The following RTN3 variants were observed in gnomAD, a reference collection of about 807,000 sequenced individuals.
RTN3 encodes the protein reticulon 3, also known as reticulon-3.
In RTN3, 49 loss-of-function variants were observed where a neutral mutation model predicts 77.8. The ratio of observed to expected loss-of-function variants is 0.63; its 90% CI spans 0.50 to 0.80. The LOEUF (loss-of-function observed/expected upper bound fraction) is 0.80. Among genes scored for constraint, RTN3 ranks in the 30% least tolerant of loss-of-function variants. RTN3 has a pLI of 0.00. For synonymous variants in RTN3, 464 were observed against 446.9 expected (o/e 1.04, Z -0.48); for missense variants, 1,236 against 1,211.9 (o/e 1.02, Z -0.29).
intron 3 of RTN3, among the ~76,000 whole-genome samples, chr11:63,721,302 C>A (rs1432797053): frequency 6.6e-6 from 1 of 151,974 alleles, no homozygotes; most frequent in African/African-American, 2.4e-5. Context: ...TCGCTGGGTA[C>A]GGTGGCTCAC....
At chr11:63,727,896 A>G (rs1171559702) in intron 3 of RTN3, among the ~76,000 whole-genome samples, 2 of 152,230 alleles carry the variant, frequency 1.3e-5, no homozygotes, top group Non-Finnish European at 2.9e-5. Flanking sequence ...TATGAAAGGC[A>G]CATTTACTGA....
At chr11:63,681,495 C>G (rs1342654541), upstream of RTN3, 1 of 846,584 alleles carries the variant, frequency 1.2e-6, no homozygotes, top group Non-Finnish European at 1.7e-6. Flanking sequence ...TCGGCTGAGT[C>G]AGTCAGTCTG....
chr11:63,693,926 A>G (rs995340456), intron 1 of RTN3, among the ~76,000 whole-genome samples: 3 of 152,142 alleles, frequency 2.0e-5, no homozygotes, highest in African/African-American at 7.2e-5. Flanking sequence ...GTTTGAAACC[A>G]GCCTGCACAA....
At position 63,758,214 on chromosome 11, in the gene RTN3, C is replaced by G. The variant is rs1283594020; in HGVS notation, c.*13C>G. 6.2e-7 allele frequency: 1 copy of G among 1,613,026 alleles called. No individual in the cohort carries two copies. Among genetic ancestry groups the G allele is most frequent in the African/African-American group, 1.3e-5 (1 of 74,830 alleles). ...AAAGGCAGAATAAGTACATGGAAACCAGAAATGCAACAGTTACTAAAACAC... is the reference window on the plus strand; with the variant it reads ...AAAGGCAGAATAAGTACATGGAAACGAGAAATGCAACAGTTACTAAAACAC... On this transcript the variant is annotated 3_prime_UTR_variant, in exon 9 of 9. Coordinates refer to ENST00000377819, the MANE Select transcript of RTN3 (RefSeq NM_001265589.2).
At chr11:63,740,724 T>G (rs1013795011) in intron 3 of RTN3, among the ~76,000 whole-genome samples, 1 of 152,040 alleles carries the variant, frequency 6.6e-6, no homozygotes, top group African/African-American at 2.4e-5. Context: ...GAGCCACCTT[T>G]AATTTCTTTG....
intron 3 of RTN3, among the ~76,000 whole-genome samples, chr11:63,749,377 T>A (rs1172728440): frequency 6.6e-6 from 1 of 152,152 alleles, no homozygotes; most frequent in Non-Finnish European, 1.5e-5. Flanking sequence ...AGACTGGTGT[T>A]TCTTTATAAC....
Position 63,694,149 on chromosome 11 carries a change from T to C in RTN3, c.143-10702T>C, listed in dbSNP as rs114953515. On this transcript the variant is annotated intron_variant, in intron 1 of 8. Coordinates refer to ENST00000377819, the MANE Select transcript of RTN3 (RefSeq NM_001265589.2). ...AAAAGAAGGCTGGGGTATTAAGATA[T>C]ATTTGTAACCAGTTTATTAATTAAT... Among the ~76,000 whole-genome samples, 901 of 151,810 alleles carry C rather than the reference T, an allele frequency of 5.9e-3. 9 individuals are homozygous for C. The highest frequency in any genetic ancestry group is 0.021 in the African/African-American group (850 of 41,412).
At chr11:63,736,710 A>G (rs1209579647) in intron 3 of RTN3, among the ~76,000 whole-genome samples, 1 of 152,178 alleles carries the variant, frequency 6.6e-6, no homozygotes, top group Non-Finnish European at 1.5e-5. Context: ...ATAAGTATCC[A>G]AATGGATATG....
chr11:63,733,160 C>CAA (rs58564500), intron 3 of RTN3, among the ~76,000 whole-genome samples: 60 of 136,878 alleles, frequency 4.4e-4, no homozygotes, highest in Admixed American at 1.3e-3. Flanking sequence ...ACTAAAAATA[C>CAA]AAAAAAAAAA....
chr11:63,701,817 C>T (rs1204064712), intron 1 of RTN3, among the ~76,000 whole-genome samples: 3 of 152,036 alleles, frequency 2.0e-5, no homozygotes, highest in Admixed American at 6.6e-5. Context: ...TAGTGGTGCA[C>T]ACCTGTAGTC....
At chr11:63,753,598 C>G in intron 6 of RTN3, 64 bp from the exon 7 acceptor site, 1 of 1,418,122 alleles carries the variant, frequency 7.1e-7, no homozygotes. Flanking sequence ...ATATGTTACT[C>G]TGAGTCTTAA....
intron 3 of RTN3, among the ~76,000 whole-genome samples, chr11:63,722,266 CAG>C (rs913673827): frequency 6.6e-6 from 1 of 152,128 alleles, no homozygotes; most frequent in African/African-American, 2.4e-5. Context: ...AAATCATACA[CAG>C]AGTTGTAGTA....
intron 3 of RTN3, among the ~76,000 whole-genome samples, chr11:63,730,027 C>T (rs1430873710): frequency 6.6e-6 from 1 of 151,976 alleles, no homozygotes; most frequent in African/African-American, 2.4e-5. Context: ...AGTGCAGTGG[C>T]GTGATCTCAG....
chr11:63,745,261 T>C (rs903244284), intron 3 of RTN3, among the ~76,000 whole-genome samples: 7 of 152,190 alleles, frequency 4.6e-5, no homozygotes, highest in Non-Finnish European at 8.8e-5. Flanking sequence ...GTGCAAAAAC[T>C]TGACTAGTTT....
At chr11:63,731,756 G>A (rs1200321298) in intron 3 of RTN3, among the ~76,000 whole-genome samples, 4 of 152,148 alleles carry the variant, frequency 2.6e-5, no homozygotes, top group South Asian at 2.1e-4. Context: ...GGGTTCAAAC[G>A]ATTCTCCTGC....
chr11:63,687,508 G>A (rs1941436394), intron 1 of RTN3, among the ~76,000 whole-genome samples: 6 of 152,118 alleles, frequency 3.9e-5, no homozygotes, highest in African/African-American at 1.4e-4. Context: ...TACTCAGGAG[G>A]CTGAGGCAGG....
At chr11:63,721,375 C>T (rs901194919) in intron 3 of RTN3, among the ~76,000 whole-genome samples, 1 of 152,002 alleles carries the variant, frequency 6.6e-6, no homozygotes, top group African/African-American at 2.4e-5. Context: ...GAGATTGAGA[C>T]CATCCTGGCT....
chr11:63,701,512 A>G (rs1287572352), intron 1 of RTN3, among the ~76,000 whole-genome samples: 2 of 152,180 alleles, frequency 1.3e-5, no homozygotes, highest in Admixed American at 6.6e-5. Flanking sequence ...GAACAGTTCT[A>G]CAGGCTTTAT....
At chr11:63,735,550 T>TCTCTCTCTCTC (rs2013032879) in intron 3 of RTN3, among the ~76,000 whole-genome samples, 4 of 42,686 alleles carry the variant, frequency 9.4e-5, no homozygotes, top group Non-Finnish European at 1.3e-4. Flanking sequence ...ATTCTAACAT[T>TCTCTCTCTCTC]TCTCTCTCTC....
Sources: gnomAD v4.1 joint callset for allele counts (sites outside exome capture counted in the v4.1 genomes callset) on GRCh38, gnomAD v4.1.1 for gene constraint, MANE v1.5 for transcripts, NCBI Gene and HGNC (gene_info 2026-07-23, HGNC 2026-07-21) for gene names.